The following PDE9A variants were observed in gnomAD, a reference collection of about 807,000 sequenced individuals.
PDE9A encodes the protein phosphodiesterase 9A.
A neutral mutation model predicts 87.4 loss-of-function variants in PDE9A; 60 were observed. The observed-to-expected ratio is 0.69, with a 90% CI of 0.56 to 0.85. PDE9A has a LOEUF of 0.85. PDE9A is among the 40% of genes least tolerant of loss of function. The pLI is 0.00. For synonymous variants in PDE9A, 272 were observed against 279.4 expected (o/e 0.97, Z 0.27); for missense variants, 665 against 779.0 (o/e 0.85, Z 1.74).
chr21:42,711,336 C>T (rs912963825), intron 4 of PDE9A, among the ~76,000 whole-genome samples: 28 of 151,636 alleles, frequency 1.8e-4, no homozygotes, highest in African/African-American at 6.1e-4. Context: ...CTGCAACCTC[C>T]GCCTCCCGGG....
intron 7 of PDE9A, among the ~76,000 whole-genome samples, chr21:42,740,482 A>T (rs957606693): frequency 1.3e-5 from 2 of 151,966 alleles, no homozygotes; most frequent in Non-Finnish European, 2.9e-5. Flanking sequence ...ATAGGTAGAT[A>T]CATAGAATGG....
At chr21:42,703,260 C>T (rs1351328964) in intron 4 of PDE9A, among the ~76,000 whole-genome samples, 1 of 152,178 alleles carries the variant, frequency 6.6e-6, no homozygotes, top group Non-Finnish European at 1.5e-5. Flanking sequence ...TCAGGGCAGG[C>T]GGCCTCTCGG....
chr21:42,760,917 G>A lies in PDE9A; in HGVS notation c.1085+10G>A. On this transcript the variant is annotated intron_variant, in intron 13 of 19. Coordinates refer to ENST00000291539, the MANE Select transcript of PDE9A (RefSeq NM_002606.3). This position sits in a 1 kb window ranked among gnomAD's most constrained non-coding sequence, Gnocchi z 5.2. ...CCGGCTACAACAACACGTATGTACA[G>A]GATTTTCTCTTTTTTTCCTTTTAAA... The A allele has an allele frequency of 1.3e-6, 2 of 1,589,066 alleles. No homozygotes were observed. The highest frequency in any genetic ancestry group is 8.6e-7 in the Non-Finnish European group (1 of 1,157,110).
chr21:42,665,802 G>C (rs1312321021), intron 1 of PDE9A, among the ~76,000 whole-genome samples: 1 of 152,240 alleles, frequency 6.6e-6, no homozygotes, highest in Non-Finnish European at 1.5e-5. Context: ...GTTGAATAAT[G>C]AACAATGGAT....
At chr21:42,663,425 C>T (rs1364001223) in intron 1 of PDE9A, among the ~76,000 whole-genome samples, 1 of 152,182 alleles carries the variant, frequency 6.6e-6, no homozygotes, top group Non-Finnish European at 1.5e-5. Flanking sequence ...GGCAGGTGGC[C>T]ACACAGCTCG....
At chr21:42,753,872 AAAAAAAGAAAGAAAG>A (rs1170220183) in intron 9 of PDE9A, 103 bp from the exon 10 acceptor site, 2 of 604,540 alleles carry the variant, frequency 3.3e-6, no homozygotes, top group East Asian at 3.0e-5. Context: ...AAAAAAAAAA[AAAAAAAGAAAGAAAG>A]AAAAAGAAAG....
At chr21:42,700,352 A>C (rs983711737) in intron 4 of PDE9A, among the ~76,000 whole-genome samples, 1 of 152,202 alleles carries the variant, frequency 6.6e-6, no homozygotes, top group Admixed American at 6.5e-5. Context: ...GTATATTTTT[A>C]TATATTTCAT....
chr21:42,705,874 C>T lies in PDE9A; in HGVS notation c.262+6863C>T, dbSNP rs1602166290. On this transcript the variant is annotated intron_variant, in intron 4 of 19. Coordinates refer to ENST00000291539, the MANE Select transcript of PDE9A (RefSeq NM_002606.3). This position sits in a 1 kb window ranked among gnomAD's most constrained non-coding sequence, Gnocchi z 4.3. Reference sequence around the variant, plus strand: ...CCTGTTCAGCCTCTGCATCTGGCCCCCGCGGAGACCCACACCACATTCTAC... The same window carrying T: ...CCTGTTCAGCCTCTGCATCTGGCCCTCGCGGAGACCCACACCACATTCTAC... Among the ~76,000 whole-genome samples the T allele has an allele frequency of 6.6e-6, 1 of 152,250 alleles. No homozygotes were observed. Among genetic ancestry groups the T allele is most frequent in the East Asian group, 1.9e-4 (1 of 5,182 alleles).
chr21:42,701,586 A>G (rs1445130736), intron 4 of PDE9A, among the ~76,000 whole-genome samples: 3 of 151,930 alleles, frequency 2.0e-5, no homozygotes, highest in Admixed American at 2.0e-4. Context: ...ATAGGCACAC[A>G]CCACCATGCC....
rs560117808 is a variant in PDE9A at position 42,681,696 on chromosome 21, A to G, written c.70-4496A>G. ...ATATCACAGCACTGCCAGTCAAACC[A>G]CACAAAAGGGTTTGTGATGACCTGC... On this transcript the variant is annotated intron_variant, in intron 1 of 19. Coordinates refer to ENST00000291539, the MANE Select transcript of PDE9A (RefSeq NM_002606.3). Among the ~76,000 whole-genome samples, 7 of 152,192 alleles carry G rather than the reference A, an allele frequency of 4.6e-5. No individual in the cohort carries two copies. In the South Asian group the frequency reaches 1.5e-3, roughly 32 times the overall value.
At chr21:42,751,044 C>T in intron 8 of PDE9A, 72 bp from the exon 9 acceptor site, 1 of 1,005,708 alleles carries the variant, frequency 9.9e-7, no homozygotes, top group South Asian at 1.3e-5. Flanking sequence ...TTGTCGCTTG[C>T]TTTTGCTGTG....
At position 42,737,466 on chromosome 21, in the gene PDE9A, T is replaced by C. The variant is rs190632206; in HGVS notation, c.568+4040T>C. On this transcript the variant is annotated intron_variant, in intron 7 of 19. Transcript: ENST00000291539. ...TGTTTTGTTTTGTCTTGTCTTGTTT[T>C]TGTTGTTGTTTGAGACGGAGTTTTG... is the stretch of plus-strand genomic sequence containing the variant. 1.3e-3 allele frequency among the ~76,000 whole-genome samples: 193 copies of C among 152,314 alleles called. 1 individual carries two copies. Among genetic ancestry groups the C allele is most frequent in the African/African-American group, 4.5e-3 (186 of 41,560 alleles).
chr21:42,749,204 T>C (rs2146964433), intron 8 of PDE9A, among the ~76,000 whole-genome samples: 1 of 152,336 alleles, frequency 6.6e-6, no homozygotes, highest in Non-Finnish European at 1.5e-5. Flanking sequence ...TGGCTCTTAC[T>C]GGGCAGTATT....
rs1555920613 is a variant in PDE9A at position 42,717,556 on chromosome 21, A to AT, written c.263-14207dup. On this transcript the variant is annotated intron_variant, in intron 4 of 19. Transcript: ENST00000291539. ...GAGACTCCATCTCAAAAAAAAAAAA[A>AT]TTTTTTTGTATTTTTAGTAGAGACG... Among the ~76,000 whole-genome samples, 209 of 149,258 alleles carry AT rather than the reference A, an allele frequency of 1.4e-3. 1 individual carries two copies. The highest frequency in any genetic ancestry group is 3.4e-3 in the African/African-American group (138 of 40,786).
Position 42,722,484 on chromosome 21 carries a change from C to T in PDE9A, c.263-9286C>T, listed in dbSNP as rs2050633354. 1.3e-5 allele frequency among the ~76,000 whole-genome samples: 2 copies of T among 152,180 alleles called. No homozygotes were observed. Among genetic ancestry groups the T allele is most frequent in the South Asian group, 4.1e-4 (2 of 4,824 alleles). ...CAATAGAATGGATCGTGCATGAGCT[C>T]CCAGGCCACACACACACGCCCTTGT... On this transcript the variant is annotated intron_variant, in intron 4 of 19. Transcript: ENST00000291539. This position sits in a 1 kb window ranked among gnomAD's most constrained non-coding sequence, Gnocchi z 4.1.
rs138109993 is a variant in PDE9A at position 42,702,199 on chromosome 21, G to A, written c.262+3188G>A. On this transcript the variant is annotated intron_variant, in intron 4 of 19. Coordinates refer to ENST00000291539, the MANE Select transcript of PDE9A (RefSeq NM_002606.3). This position sits in a 1 kb window ranked among gnomAD's most constrained non-coding sequence, Gnocchi z 4.9. ...TGCTTTATTTTTCTTAGACTTTTCC[G>A]TGACGTCTTCCATTGCACTGGTCTT... Among the ~76,000 whole-genome samples the A allele has an allele frequency of 0.022, 3,356 of 150,612 alleles. 66 individuals carry two copies. Among genetic ancestry groups the A allele is most frequent in the Middle Eastern group, 0.038 (11 of 292 alleles).
intron 4 of PDE9A, among the ~76,000 whole-genome samples, chr21:42,717,246 A>C (rs1220204529): frequency 6.7e-6 from 1 of 148,270 alleles, no homozygotes; most frequent in Non-Finnish European, 1.5e-5. Context: ...CTTGCAGTGC[A>C]TATCTGCTAG....
chr21:42,682,106 G>A (rs1024286027), intron 1 of PDE9A, among the ~76,000 whole-genome samples: 3 of 152,256 alleles, frequency 2.0e-5, no homozygotes, highest in African/African-American at 7.2e-5. Flanking sequence ...GGAGACTAAT[G>A]AACAGCAAAA....
intron 1 of PDE9A, among the ~76,000 whole-genome samples, chr21:42,657,869 C>T (rs2057203095): frequency 6.6e-6 from 1 of 152,242 alleles, no homozygotes. Context: ...CTGGTCTTGG[C>T]CTTGCTCTGC....
Sources: allele counts gnomAD v4.1 joint callset (sites outside exome capture counted in the v4.1 genomes callset), GRCh38; gene constraint gnomAD v4.1.1; non-coding constraint Gnocchi (gnomAD v3.1); transcripts MANE v1.5; gene names NCBI Gene and HGNC (gene_info 2026-07-23, HGNC 2026-07-21).